The following CENPE variants were observed in gnomAD, a reference collection of about 807,000 sequenced individuals.
CENPE encodes centromere protein E.
In CENPE, 145 loss-of-function variants were observed where a neutral mutation model predicts 336.1. The observed-to-expected ratio is 0.43, with a 90% CI of 0.38 to 0.50. The LOEUF (loss-of-function observed/expected upper bound fraction) is 0.50. Ranked by LOEUF, CENPE falls within the 20% of genes least tolerant of loss-of-function variation. The probability of loss-of-function intolerance (pLI) is 0.00; values close to 1 mark genes in which losing one functional copy is unlikely to be tolerated. For synonymous variants in CENPE, 1,013 were observed against 984.8 expected (o/e 1.03, Z -0.54); for missense variants, 2,719 against 3,023.3 (o/e 0.90, Z 2.36).
chr4:103,127,114 C>CAAAAAA (rs1246212242), intron 42 of CENPE, among the ~76,000 whole-genome samples: 2 of 123,112 alleles, frequency 1.6e-5, no homozygotes, highest in Admixed American at 7.8e-5. Context: ...AAAAAAAAAC[C>CAAAAAA]AAAAAAACCC....
intron 33 of CENPE, among the ~76,000 whole-genome samples, chr4:103,143,735 T>C (rs1454702524): frequency 6.6e-6 from 1 of 152,190 alleles, no homozygotes; most frequent in Non-Finnish European, 1.5e-5. Flanking sequence ...TGTTTTTGTT[T>C]GTGTTATTTC....
chr4:103,160,922 T>A, intron 20 of CENPE, 143 bp from the exon 21 acceptor site: 2 of 954,460 alleles, frequency 2.1e-6, no homozygotes, highest in East Asian at 5.3e-5. Flanking sequence ...CCCATGGAAA[T>A]CTTTATAAAT....
chr4:103,157,059 C>CAAAAAAAAAAAA (rs34199706), intron 24 of CENPE, among the ~76,000 whole-genome samples: 1 of 98,038 alleles, frequency 1.0e-5, no homozygotes, highest in African/African-American at 3.7e-5. Context: ...TGGCTACTAT[C>CAAAAAAAAAAAA]AAAAAAAAAA....
At chr4:103,146,192 A>G in intron 29 of CENPE, 85 bp from the exon 30 acceptor site, 4 of 1,267,858 alleles carry the variant, frequency 3.2e-6, no homozygotes, top group Non-Finnish European at 4.4e-6. Flanking sequence ...TTCTAAAACA[A>G]TTAAGGCAGG....
chr4:103,183,173 A>G, intron 10 of CENPE, 28 bp downstream of exon 10: 15 of 1,491,602 alleles, frequency 1.0e-5, no homozygotes, highest in Non-Finnish European at 1.4e-5. Context: ...AAGAATCAGT[A>G]GGTAAGTGCA....
At chr4:103,184,873 T>C (rs1756628854) in intron 9 of CENPE, among the ~76,000 whole-genome samples, 1 of 152,248 alleles carries the variant, frequency 6.6e-6, no homozygotes, top group African/African-American at 2.4e-5. Context: ...AAATGTACTC[T>C]TGATAGTCTT....
chr4:103,133,944 G>T, intron 40 of CENPE, 52 bp from the exon 41 acceptor site: 1 of 1,189,010 alleles, frequency 8.4e-7, no homozygotes, highest in Non-Finnish European at 1.2e-6. Flanking sequence ...GTCACATGTA[G>T]AGAAAGTTTT....
intron 33 of CENPE, among the ~76,000 whole-genome samples, chr4:103,143,975 C>T (rs1022957111): frequency 2.0e-5 from 3 of 151,866 alleles, no homozygotes; most frequent in Admixed American, 6.6e-5. Context: ...CTTGCTCTGT[C>T]GCCCAGGCTG....
intron 24 of CENPE, among the ~76,000 whole-genome samples, chr4:103,155,188 C>G (rs1398398056): frequency 3.9e-5 from 6 of 152,146 alleles, no homozygotes; most frequent in South Asian, 4.1e-4. Flanking sequence ...CTCTACTCTT[C>G]CCTTCATCTT....
Position 103,146,116 on chromosome 4 carries a change from A to G in CENPE, c.4135-9T>C. ...CTTTGAGACTCCTGGATCTTAAGAG[A>G]ATCATAAAACAGTACAGTTGATATC... On this transcript the variant is annotated splice_polypyrimidine_tract_variant and intron_variant, in intron 29 of 48. Transcript: ENST00000265148. 1 of 1,610,174 alleles carries G rather than the reference A, an allele frequency of 6.2e-7. No homozygotes were observed. The highest frequency in any genetic ancestry group is 8.5e-7 in the Non-Finnish European group (1 of 1,178,680).
Position 103,144,321 on chromosome 4 carries a change from G to A in CENPE, c.5145+10C>T. On this transcript the variant is annotated intron_variant, in intron 33 of 48. Coordinates refer to ENST00000265148, the MANE Select transcript of CENPE (RefSeq NM_001813.3). Reference sequence around the variant, plus strand: ...ATAGTTACTAGAGGTGTAGAGAGATGGTAACTCACTCTAGTTATAGTTTCT... The same window carrying A: ...ATAGTTACTAGAGGTGTAGAGAGATAGTAACTCACTCTAGTTATAGTTTCT... The A allele has an allele frequency of 6.3e-7, 1 of 1,584,618 alleles. No individual in the cohort carries two copies. The highest frequency in any genetic ancestry group is 8.6e-7 in the Non-Finnish European group (1 of 1,165,308).
intron 48 of CENPE, among the ~76,000 whole-genome samples, chr4:103,106,818 G>C (rs1748941553): frequency 6.6e-6 from 1 of 151,906 alleles, no homozygotes; most frequent in Admixed American, 6.6e-5. Flanking sequence ...AATTACCTTA[G>C]TTTAAGGTAA....
At chr4:103,179,317 C>CTGT (rs1756138229) in intron 13 of CENPE, among the ~76,000 whole-genome samples, 1 of 152,190 alleles carries the variant, frequency 6.6e-6, no homozygotes, top group Non-Finnish European at 1.5e-5. Context: ...ACACACAAGG[C>CTGT]TGTTCTTTGT....
chr4:103,172,771 A>C (rs1196813119), intron 16 of CENPE, among the ~76,000 whole-genome samples: 1 of 152,056 alleles, frequency 6.6e-6, no homozygotes, highest in Admixed American at 6.5e-5. Context: ...CAACATAAAA[A>C]AAAGTAGTAT....
chr4:103,106,387 G>C (rs1002404995), intron 48 of CENPE, 71 bp from the exon 49 acceptor site: 1 of 1,194,628 alleles, frequency 8.4e-7, no homozygotes, highest in Non-Finnish European at 1.2e-6. Flanking sequence ...AGCTGGAAGT[G>C]GAAAGGAGGT....
chr4:103,194,357 TA>T lies in CENPE; in HGVS notation c.627+16del. On this transcript the variant is annotated intron_variant, in intron 7 of 48. Transcript: ENST00000265148. ...TTCTTACTTGGAAAGATCTAACAGA[TA>T]GATAGAATTACCTACCATCCTAAAG... is the stretch of plus-strand genomic sequence containing the variant. 1.4e-5 allele frequency: 22 copies of T among 1,607,630 alleles called. No individual in the cohort carries two copies. The highest frequency in any genetic ancestry group is 1.7e-5 in the Non-Finnish European group (20 of 1,175,326).
rs536604954 is a variant in CENPE at position 103,112,440 on chromosome 4, C to T, written c.7541-1429G>A. On this transcript the variant is annotated intron_variant, in intron 46 of 48. Coordinates refer to ENST00000265148, the MANE Select transcript of CENPE (RefSeq NM_001813.3). ...GTATATACTTATATACTTATACATA[C>T]ATATACTTATATATACATATCTATA... Among the ~76,000 whole-genome samples, 1,000 of 144,796 alleles carry T rather than the reference C, an allele frequency of 6.9e-3. 9 individuals carry two copies. The highest frequency in any genetic ancestry group is 0.032 in the South Asian group (150 of 4,682). The allele number at this position is 144,796 out of a possible 152,430, so 95.0% of individuals were successfully genotyped here. A position where few individuals can be genotyped will look rare whatever the true frequency, so the allele number is the denominator to read the frequency against.
At chr4:103,162,867 AC>A (rs1754570947) in intron 18 of CENPE, among the ~76,000 whole-genome samples, 2 of 152,134 alleles carry the variant, frequency 1.3e-5, no homozygotes. Flanking sequence ...CCTAAAACTT[AC>A]TGATTTTTAA....
chr4:103,187,280 T>A (rs979114789), intron 8 of CENPE, among the ~76,000 whole-genome samples: 2 of 152,160 alleles, frequency 1.3e-5, no homozygotes, highest in South Asian at 4.1e-4. Flanking sequence ...TTTTATCAAA[T>A]TCAGGAAATA....
Sources: gnomAD v4.1 joint callset for allele counts (sites outside exome capture counted in the v4.1 genomes callset) on GRCh38, gnomAD v4.1.1 for gene constraint, MANE v1.5 for transcripts, NCBI Gene and HGNC (gene_info 2026-07-23, HGNC 2026-07-21) for gene names.